FSTL5: variants seen among roughly 807,000 people sequenced by gnomAD.
The protein encoded by FSTL5 is follistatin-related protein 5.
A neutral mutation model predicts 89.1 loss-of-function variants in FSTL5; 62 were observed. That is an observed-to-expected ratio of 0.70 (90% CI 0.57 to 0.86). The LOEUF (loss-of-function observed/expected upper bound fraction) is 0.86. Among genes scored for constraint, FSTL5 ranks in the 40% least tolerant of loss-of-function variants. The probability of loss-of-function intolerance (pLI) is 0.00; values close to 1 mark genes in which losing one functional copy is unlikely to be tolerated. For synonymous variants in FSTL5, 383 were observed against 346.2 expected, an observed-to-expected ratio of 1.11 and a Z score of -1.18; for missense variants, 1,057 against 1,001.6, an observed-to-expected ratio of 1.06 and a Z score of -0.75.
chr4:161,698,880 G>A (rs1738279043), intron 6 of FSTL5, among the ~76,000 whole-genome samples: 1 of 152,082 alleles, frequency 6.6e-6, no homozygotes, highest in Non-Finnish European at 1.5e-5. Context: ...AACCCGGGAG[G>A]CGGAGGTTGC....
At chr4:161,830,331 C>G (rs1468273914) in intron 4 of FSTL5, among the ~76,000 whole-genome samples, 6 of 151,910 alleles carry the variant, frequency 3.9e-5, no homozygotes, top group Admixed American at 1.3e-4. Context: ...TTTCCAAGTT[C>G]TTATGTGGAT....
intron 2 of FSTL5, among the ~76,000 whole-genome samples, chr4:162,064,020 C>A (rs956372801): frequency 5.9e-5 from 9 of 151,858 alleles, no homozygotes; most frequent in African/African-American, 1.9e-4. Flanking sequence ...TTCTCTTGGC[C>A]ATAAGTTGCC....
At chr4:162,116,601 GAATA>G in intron 1 of FSTL5, among the ~76,000 whole-genome samples, 1 of 152,266 alleles carries the variant, frequency 6.6e-6, no homozygotes, top group Non-Finnish European at 1.5e-5. Flanking sequence ...GCTACATCAG[GAATA>G]AGGGGCTTTT....
rs200561335 is a variant in FSTL5 at position 161,920,630 on chromosome 4, A to G, written c.183T>C (p.Pro61=). 30 of 1,610,504 alleles carry G rather than the reference A, an allele frequency of 1.9e-5. No individual in the cohort carries two copies. The Admixed American group carries it at 4.6e-4, about 24-fold the overall frequency. ...RVKGFMIQDG[P]FGSCENKYCG... ...AGTACTTATTTTCACAAGATCCAAA[A>G]GGGCCATCCTGAATCATAAATCCTG... Residue 61 remains proline (P), a synonymous_variant, in exon 4 of 16, where the codon CCT becomes CCC. Transcript: ENST00000306100.
chr4:161,456,265 T>G (rs1733347269), intron 14 of FSTL5, among the ~76,000 whole-genome samples: 1 of 152,200 alleles, frequency 6.6e-6, no homozygotes, highest in African/African-American at 2.4e-5. Context: ...ATTTTGAAAT[T>G]TTTGTAAGAC....
At position 161,438,236 on chromosome 4, in the gene FSTL5, T is replaced by A. The variant is rs1035581654; in HGVS notation, c.1841+16768A>T. Among the ~76,000 whole-genome samples, 5 of 147,286 alleles carry A rather than the reference T, an allele frequency of 3.4e-5. No individual in the cohort carries two copies. In the East Asian group the frequency reaches 7.7e-4, roughly 23 times the overall value. On this transcript the variant is annotated intron_variant, in intron 15 of 15. Coordinates refer to ENST00000306100, the MANE Select transcript of FSTL5 (RefSeq NM_020116.5). The stretch of plus-strand genomic sequence containing the variant: ...GCTGTCTATAAAAGTGAGATAATGT[T>A]GAGCCATCTGAAGTGATTCTCTGCC...
chr4:161,835,768 C>T (rs1335005441), intron 4 of FSTL5, among the ~76,000 whole-genome samples: 5 of 152,168 alleles, frequency 3.3e-5, no homozygotes, highest in Non-Finnish European at 5.9e-5. Flanking sequence ...CATCCCACAC[C>T]AGTTAGAATG....
intron 15 of FSTL5, among the ~76,000 whole-genome samples, chr4:161,391,337 G>A (rs1216929216): frequency 6.6e-6 from 1 of 151,922 alleles, no homozygotes; most frequent in East Asian, 1.9e-4. Flanking sequence ...TTTTCTAATT[G>A]GATTATAAAT....
At chr4:162,120,201 T>C (rs375322010) in intron 1 of FSTL5, among the ~76,000 whole-genome samples, 1 of 152,234 alleles carries the variant, frequency 6.6e-6, no homozygotes, top group South Asian at 2.1e-4. Context: ...GGTACTGAGA[T>C]GTAAAACGTA....
intron 4 of FSTL5, among the ~76,000 whole-genome samples, chr4:161,858,986 C>T (rs1336974246): frequency 6.6e-6 from 1 of 152,204 alleles, no homozygotes; most frequent in Non-Finnish European, 1.5e-5. Context: ...TTCACATCTT[C>T]ACTGGGAAAA....
chr4:161,797,140 C>T (rs1236311480), intron 4 of FSTL5, among the ~76,000 whole-genome samples: 2 of 151,508 alleles, frequency 1.3e-5, no homozygotes, highest in Admixed American at 6.6e-5. Flanking sequence ...GGTCACTATG[C>T]CTTTCTATAT....
chr4:161,552,444 C>T (rs2126559202), intron 8 of FSTL5: 1 of 151,752 alleles, frequency 6.6e-6, no homozygotes, highest in Non-Finnish European at 1.5e-5. Context: ...ATAGATAACA[C>T]ATTATTCATA....
chr4:161,617,661 A>G (rs990712705), intron 7 of FSTL5, among the ~76,000 whole-genome samples: 1 of 152,244 alleles, frequency 6.6e-6, no homozygotes, highest in Non-Finnish European at 1.5e-5. Context: ...AGTGAACAAT[A>G]ATGAGATTGA....
intron 3 of FSTL5, among the ~76,000 whole-genome samples, chr4:161,972,315 C>A (rs1735506628): frequency 6.6e-6 from 1 of 152,164 alleles, no homozygotes; most frequent in East Asian, 1.9e-4. Flanking sequence ...CTCAGGTGAT[C>A]CACATGTCTC....
At chr4:162,086,251 T>TCCCA (rs1730311914) in intron 2 of FSTL5, among the ~76,000 whole-genome samples, 1 of 151,986 alleles carries the variant, frequency 6.6e-6, no homozygotes, top group Non-Finnish European at 1.5e-5. Flanking sequence ...TTTATGTAAT[T>TCCCA]CCCACCCCAC....
At chr4:162,157,051 C>T (rs1488693129) in intron 1 of FSTL5, among the ~76,000 whole-genome samples, 1 of 152,046 alleles carries the variant, frequency 6.6e-6, no homozygotes. Flanking sequence ...CTCATTATTA[C>T]AGCAGGAAGA....
intron 4 of FSTL5, among the ~76,000 whole-genome samples, chr4:161,870,947 A>T (rs1732243396): frequency 6.6e-6 from 1 of 152,130 alleles, no homozygotes; most frequent in Admixed American, 6.5e-5. Context: ...TAATATATGT[A>T]GATACATCTA....
intron 3 of FSTL5, among the ~76,000 whole-genome samples, chr4:161,957,594 G>A (rs927114787): frequency 6.6e-6 from 1 of 151,988 alleles, no homozygotes. Flanking sequence ...CTGAAGGGGG[G>A]AGGCAGACAT....
At chr4:161,461,594 A>G (rs910403958) in intron 13 of FSTL5, among the ~76,000 whole-genome samples, 3 of 151,958 alleles carry the variant, frequency 2.0e-5, no homozygotes, top group African/African-American at 7.2e-5. Context: ...CTATTCCCAG[A>G]CTTGATGTTA....
Sources: allele counts gnomAD v4.1 joint callset (sites outside exome capture counted in the v4.1 genomes callset), GRCh38; gene constraint gnomAD v4.1.1; transcripts MANE v1.5; gene names NCBI Gene and HGNC (gene_info 2026-07-23, HGNC 2026-07-21).